TRAK2: variants seen among roughly 807,000 people sequenced by gnomAD.
TRAK2 encodes trafficking kinesin-binding protein 2.
TRAK2 carries 81 observed loss-of-function variants against 104.6 expected under a neutral mutation model. That is an observed-to-expected ratio of 0.77 (90% CI 0.65 to 0.93). The LOEUF (loss-of-function observed/expected upper bound fraction) is 0.93. Ranked by LOEUF, TRAK2 falls within the 40% of genes least tolerant of loss-of-function variation. TRAK2 has a pLI of 0.00. For synonymous variants in TRAK2, 406 were observed against 394.4 expected (o/e 1.03, Z -0.35); for missense variants, 1,002 against 1,089.0 (o/e 0.92, Z 1.12).
chr2:201,434,043 C>T (rs1951863875), intron 1 of TRAK2, among the ~76,000 whole-genome samples: 1 of 152,112 alleles, frequency 6.6e-6, no homozygotes, highest in African/African-American at 2.4e-5. Context: ...CTGCAACCTC[C>T]GCCTCCCGGG....
chr2:201,441,182 C>T (rs1951917463), intron 1 of TRAK2, among the ~76,000 whole-genome samples: 1 of 152,162 alleles, frequency 6.6e-6, no homozygotes, highest in Admixed American at 6.5e-5. Flanking sequence ...CACTTATGTG[C>T]TTTATGAAAA....
intron 1 of TRAK2, among the ~76,000 whole-genome samples, chr2:201,437,698 C>T (rs1951889017): frequency 6.7e-6 from 1 of 148,380 alleles, no homozygotes; most frequent in African/African-American, 2.6e-5. Flanking sequence ...TAGTTTAATC[C>T]TTCTCTGTCC....
chr2:201,433,664 G>A (rs1206730503), intron 1 of TRAK2: 3 of 152,200 alleles, frequency 2.0e-5, no homozygotes, highest in African/African-American at 7.2e-5. Flanking sequence ...CAGGAAAAGG[G>A]CGGTAACCTC....
intron 1 of TRAK2, among the ~76,000 whole-genome samples, chr2:201,443,389 T>C (rs773993632): frequency 3.9e-5 from 6 of 152,192 alleles, no homozygotes; most frequent in Non-Finnish European, 7.3e-5. Context: ...GATCTTACAA[T>C]GCTCATTCTC....
chr2:201,392,767 C>T lies in TRAK2; in HGVS notation c.1113+142G>A. ...AAGATGTCAATATACAAATTAGGGC[C>T]TAAATCAATAATTGGAGTCCAGAAA... On this transcript the variant is annotated intron_variant, in intron 10 of 15. Transcript: ENST00000332624. 3 of 768,708 alleles carry T rather than the reference C, an allele frequency of 3.9e-6. No individual in the cohort carries two copies. The East Asian group carries it at 8.1e-5, about 21-fold the overall frequency. 47.6% of individuals were successfully genotyped at this position (768,708 alleles called of 1,614,324 possible).
chr2:201,381,242 G>C (rs1187195575), intron 15 of TRAK2, 24 bp from the exon 16 acceptor site: 3 of 1,544,300 alleles, frequency 1.9e-6, no homozygotes, highest in Non-Finnish European at 2.6e-6. Flanking sequence ...AAAAAAAGTG[G>C]GAGACAGTGT....
At chr2:201,389,190 A>T (rs1476218279) in intron 12 of TRAK2, 110 bp downstream of exon 12, 9 of 1,078,490 alleles carry the variant, frequency 8.3e-6, no homozygotes, top group South Asian at 5.5e-5. Flanking sequence ...GAAAACTGAC[A>T]GTTCCAGAAC....
chr2:201,410,854 G>C, intron 2 of TRAK2: 1 of 1,594,072 alleles, frequency 6.3e-7, no homozygotes, highest in Non-Finnish European at 8.6e-7. Context: ...GGTTGGCTTC[G>C]CACCAGCAGG....
In TRAK2 at chr2:201,420,407, C is replaced by T. The variant is rs766075040; in HGVS notation, c.91+10G>A. On this transcript the variant is annotated intron_variant, in intron 2 of 15. Coordinates refer to ENST00000332624, the MANE Select transcript of TRAK2 (RefSeq NM_015049.3). ...CGATAGCACTTCAATATTTATTAAA[C>T]TGGACTTACCAGTGATGCTCTCCGA... 2.5e-6 allele frequency: 4 copies of T among 1,611,164 alleles called. No homozygotes were observed. The highest frequency in any genetic ancestry group is 1.7e-5 in the Admixed American group (1 of 59,976).
At chr2:201,393,876 T>C (rs556968927) in intron 9 of TRAK2, among the ~76,000 whole-genome samples, 41 of 152,246 alleles carry the variant, frequency 2.7e-4, no homozygotes, top group African/African-American at 9.9e-4. Flanking sequence ...GCCTCTCAAA[T>C]AGCGGGGACC....
intron 1 of TRAK2, among the ~76,000 whole-genome samples, chr2:201,423,857 A>G (rs1256074015): frequency 6.6e-6 from 1 of 152,154 alleles, no homozygotes; most frequent in Non-Finnish European, 1.5e-5. Context: ...CAGTCTTGGT[A>G]AAGAAAAAAA....
Position 201,398,195 on chromosome 2 carries a change from G to C in TRAK2, c.640C>G (p.Gln214Glu), listed in dbSNP as rs1326985076. The C allele has an allele frequency of 6.2e-7, 1 of 1,613,692 alleles. No individual in the cohort carries two copies. Among genetic ancestry groups the C allele is most frequent in the Non-Finnish European group, 8.5e-7 (1 of 1,179,698 alleles). The change falls in exon 6 of 16, where the codon CAA (glutamine) becomes GAA (glutamate). Residue 214 changes from glutamine (Q) to glutamate (E), a missense_variant. Coordinates refer to ENST00000332624, the MANE Select transcript of TRAK2 (RefSeq NM_015049.3). ...SQGLLQLEML[Q>E]EKLKELEEEN... ...TCTTCCAGTTCCTTGAGCTTTTCTT[G>C]CAGCATTTCCAACTGCAGCAACCCT... is the stretch of plus-strand genomic sequence containing the variant.
intron 2 of TRAK2, chr2:201,411,724 G>T: frequency 1.3e-6 from 1 of 780,588 alleles, no homozygotes; most frequent in Non-Finnish European, 2.4e-6. Context: ...GATGGAATTT[G>T]TTGTAAGAAG....
intron 10 of TRAK2, among the ~76,000 whole-genome samples, chr2:201,392,673 C>A (rs767788763): frequency 3.3e-5 from 5 of 152,042 alleles, no homozygotes; most frequent in Non-Finnish European, 7.4e-5. Flanking sequence ...TTCCTTAGGG[C>A]TCATCTTATG....
rs2125637491 is a variant in TRAK2 at position 201,378,498 on chromosome 2, C to G, written c.*2045G>C. 6.6e-6 allele frequency: 1 copy of G among 152,112 alleles called. No individual in the cohort carries two copies. The highest frequency in any genetic ancestry group is 2.4e-5 in the African/African-American group (1 of 41,516). The allele number at this position is 152,112 out of a possible 1,614,324, so 9.4% of individuals were successfully genotyped here. A position where few individuals can be genotyped will look rare whatever the true frequency, so the allele number is the denominator to read the frequency against. On this transcript the variant is annotated 3_prime_UTR_variant, in exon 16 of 16. Coordinates refer to ENST00000332624, the MANE Select transcript of TRAK2 (RefSeq NM_015049.3). ...AAACAGTAATTACTTTCTTAGGGAA[C>G]AAATAAAAAATTTTAAGAATTGACT...
At chr2:201,405,141 G>A (rs1951583016) in intron 3 of TRAK2, among the ~76,000 whole-genome samples, 1 of 152,120 alleles carries the variant, frequency 6.6e-6, no homozygotes, top group South Asian at 2.1e-4. Flanking sequence ...ATTCTCTTGT[G>A]GAACCGAAGG....
At chr2:201,395,506 T>C (rs1208076158) in intron 7 of TRAK2, 62 bp from the exon 8 acceptor site, 21 of 1,440,594 alleles carry the variant, frequency 1.5e-5, no homozygotes, top group Non-Finnish European at 1.8e-5. Flanking sequence ...TGGCAAACTA[T>C]GACTTGTGAG....
Position 201,377,906 on chromosome 2 carries a change from T to C in TRAK2, c.*2637A>G, listed in dbSNP as rs974750462. 6.6e-6 allele frequency: 1 copy of C among 152,370 alleles called. No individual in the cohort carries two copies. Among genetic ancestry groups the C allele is most frequent in the Non-Finnish European group, 1.5e-5 (1 of 67,986 alleles). 9.4% of individuals were successfully genotyped at this position (152,370 alleles called of 1,614,324 possible). On this transcript the variant is annotated 3_prime_UTR_variant, in exon 16 of 16. Transcript: ENST00000332624. The stretch of plus-strand genomic sequence containing the variant: ...AAAAAAAAAAAAGATTGAGGTTTCC[T>C]ATACTGGCATGAAAGTACACATACA...
chr2:201,431,799 T>G (rs985524985), intron 1 of TRAK2, among the ~76,000 whole-genome samples: 1 of 152,146 alleles, frequency 6.6e-6, no homozygotes, highest in African/African-American at 2.4e-5. Context: ...GTGCCTAAAT[T>G]TGAACTCCAG....
Sources: gnomAD v4.1 joint callset for allele counts (sites outside exome capture counted in the v4.1 genomes callset) on GRCh38, gnomAD v4.1.1 for gene constraint, MANE v1.5 for transcripts, NCBI Gene and HGNC (gene_info 2026-07-23, HGNC 2026-07-21) for gene names.